IGDCC3: variants seen among roughly 807,000 people sequenced by gnomAD.
The protein encoded by IGDCC3 is immunoglobulin superfamily DCC subclass member 3.
Under a neutral mutation model 72.0 loss-of-function variants are expected in IGDCC3, and 47 were observed. The ratio of observed to expected loss-of-function variants is 0.65; its 90% CI spans 0.52 to 0.83. The LOEUF (loss-of-function observed/expected upper bound fraction) is 0.83, where lower values mean the gene tolerates loss of function less well. Among genes scored for constraint, IGDCC3 ranks in the 40% least tolerant of loss-of-function variants. IGDCC3 has a pLI of 0.00. For missense variants in IGDCC3, 1,038 were observed against 1,091.3 expected (o/e 0.95, Z 0.69); for synonymous variants, 477 against 472.8 (o/e 1.01, Z -0.11).
At chr15:65,375,622 A>G (rs2091354288) in intron 1 of IGDCC3, among the ~76,000 whole-genome samples, 1 of 152,224 alleles carries the variant, frequency 6.6e-6, no homozygotes, top group African/African-American at 2.4e-5. Flanking sequence ...CATCTCAGAG[A>G]TAGATATTAT....
rs777425374 is a variant in IGDCC3 at position 65,375,146 on chromosome 15, C to G, written c.360G>C (p.Gln120His). 3 of 1,614,180 alleles carry G rather than the reference C, an allele frequency of 1.9e-6. No homozygotes were observed. The highest frequency in any genetic ancestry group is 2.2e-5 in the South Asian group (2 of 91,088). ...GGCTGACCACCAGCCCAAAGCGGTT[C>G]TGGGCCACACACTCATAGTCACCTT... ...SDEGDYECVA[Q>H]NRFGLVVSRK... The change falls in exon 2 of 14, where the codon CAG becomes CAC. Residue 120 changes from glutamine (Q) to histidine (H), a missense_variant. Coordinates refer to ENST00000327987, the MANE Select transcript of IGDCC3 (RefSeq NM_004884.4).
intron 2 of IGDCC3, among the ~76,000 whole-genome samples, chr15:65,372,881 C>T (rs762131908): frequency 1.3e-5 from 2 of 152,140 alleles, no homozygotes; most frequent in African/African-American, 4.8e-5. Context: ...CCAGCCGCAC[C>T]GTTGCTTGGC....
Position 65,377,636 on chromosome 15 carries a change from C to A in IGDCC3, c.103+50G>T. 7.2e-7 allele frequency: 1 copy of A among 1,381,866 alleles called. No homozygotes were observed. Among genetic ancestry groups the A allele is most frequent in the Non-Finnish European group, 9.3e-7 (1 of 1,070,566 alleles). 85.6% of individuals were successfully genotyped at this position (1,381,866 alleles called of 1,614,324 possible). A position where few individuals can be genotyped will look rare whatever the true frequency, so the allele number is the denominator to read the frequency against. On this transcript the variant is annotated intron_variant, in intron 1 of 13. Coordinates refer to ENST00000327987, the MANE Select transcript of IGDCC3 (RefSeq NM_004884.4). This position sits in a 1 kb window ranked among gnomAD's most constrained non-coding sequence, Gnocchi z 4.9. ...CGCGCCCGCTCCCTCCCTGCTCGCC[C>A]TTCCCCTGGCTCCGTCCGCAACCGC... is the stretch of plus-strand genomic sequence containing the variant.
chr15:65,360,743 T>C (rs2091254887), intron 2 of IGDCC3, among the ~76,000 whole-genome samples: 1 of 152,172 alleles, frequency 6.6e-6, no homozygotes, highest in Non-Finnish European at 1.5e-5. Context: ...ATTTGACCAA[T>C]CAGCATGCTG....
Position 65,375,359 on chromosome 15 carries a change from A to C in IGDCC3, c.147T>G (p.Ser49Arg), listed in dbSNP as rs971761313. ...GCTGCCCGGGGACGGCAACATCATC[A>C]CTTGGCTCCACAGCAAATGCCAGTT... Reference protein sequence around the residue: ...SAELAFAVEPSDDVAVPGQPI... With the variant: ...SAELAFAVEPRDDVAVPGQPI... Residue 49 changes from serine to arginine, a missense_variant, in exon 2 of 14, where the codon AGT (serine) becomes AGG (arginine). Transcript: ENST00000327987. 14 of 1,608,680 alleles carry C rather than the reference A, an allele frequency of 8.7e-6. No homozygotes were observed. Among genetic ancestry groups the C allele is most frequent in the Middle Eastern group, 1.7e-4 (1 of 6,046 alleles).
In IGDCC3 at chr15:65,329,739, C is replaced by G. The variant is rs140847375; in HGVS notation, c.1984G>C (p.Gly662Arg). 16 of 1,614,024 alleles carry G rather than the reference C, an allele frequency of 9.9e-6. No individual in the cohort carries two copies. Among genetic ancestry groups the G allele is most frequent in the Non-Finnish European group, 1.4e-5 (16 of 1,179,994 alleles). The change falls in exon 12 of 14, where the codon GGC (glycine) becomes CGC (arginine). Residue 662 changes from glycine (G) to arginine (R), a missense_variant. By Grantham distance (125) the Gly-to-Arg change is moderately radical. Coordinates refer to ENST00000327987, the MANE Select transcript of IGDCC3 (RefSeq NM_004884.4). The surrounding 1 kb of genome is among the most constrained non-coding windows in gnomAD (Gnocchi z 4.1). ...IIFCVLFLLF[G>R]QRGRVLLCKD... ...CCCAGGACCCACCTGCCCCTTTGGCCGAACAGGAGGAAGAGGACACAGAAG... is the reference window on the plus strand; with the variant it reads ...CCCAGGACCCACCTGCCCCTTTGGCGGAACAGGAGGAAGAGGACACAGAAG...
intron 2 of IGDCC3, among the ~76,000 whole-genome samples, chr15:65,337,493 A>G (rs2091041241): frequency 6.6e-6 from 1 of 151,630 alleles, no homozygotes. Context: ...TATAAACAGT[A>G]CCTTGGGGCC....
Position 65,330,258 on chromosome 15 carries a change from C to T in IGDCC3, c.1858+35G>A, listed in dbSNP as rs370365501. 9.5e-6 allele frequency: 14 copies of T among 1,473,796 alleles called. No individual in the cohort carries two copies. In the African/African-American group the frequency reaches 1.8e-4, roughly 19 times the overall value. The allele number at this position is 1,473,796 out of a possible 1,614,324, so 91.3% of individuals were successfully genotyped here. Reference sequence around the variant, plus strand: ...ACCCCATTACTTTCCCGGCTTCCCACCCACTCAGCCCCGCACTCCATCCCC... The same window carrying T: ...ACCCCATTACTTTCCCGGCTTCCCATCCACTCAGCCCCGCACTCCATCCCC... On this transcript the variant is annotated intron_variant, in intron 11 of 13. Transcript: ENST00000327987.
chr15:65,372,841 A>C (rs1007985945), intron 2 of IGDCC3, among the ~76,000 whole-genome samples: 2 of 152,210 alleles, frequency 1.3e-5, no homozygotes, highest in African/African-American at 4.8e-5. Context: ...GTTTCTAGGG[A>C]CATCAGCCTG....
chr15:65,362,178 G>A (rs1001722444), intron 2 of IGDCC3, among the ~76,000 whole-genome samples: 1 of 152,054 alleles, frequency 6.6e-6, no homozygotes, highest in African/African-American at 2.4e-5. Context: ...TGAAAATGGG[G>A]TAGTGTCCGA....
At chr15:65,376,929 T>C (rs1287928747) in intron 1 of IGDCC3, among the ~76,000 whole-genome samples, 2 of 152,072 alleles carry the variant, frequency 1.3e-5, no homozygotes, top group African/African-American at 2.4e-5. Flanking sequence ...AGAGTGGTGG[T>C]GACCGAGCTC....
chr15:65,332,198 A>G, intron 6 of IGDCC3, 92 bp from the exon 7 acceptor site: 1 of 1,421,370 alleles, frequency 7.0e-7, no homozygotes, highest in African/African-American at 1.4e-5. Flanking sequence ...CTGGAGATAC[A>G]CAGGGTGAGA....
chr15:65,355,220 G>A (rs1567068187), intron 2 of IGDCC3, among the ~76,000 whole-genome samples: 1 of 152,160 alleles, frequency 6.6e-6, no homozygotes. Flanking sequence ...GGCGGGCGGG[G>A]TCAGGCCCGA....
chr15:65,349,080 C>T (rs999196980), intron 2 of IGDCC3, among the ~76,000 whole-genome samples: 2 of 152,194 alleles, frequency 1.3e-5, no homozygotes, highest in African/African-American at 4.8e-5. Flanking sequence ...CTTATCTTTT[C>T]TATTACTCAG....
At chr15:65,358,792 C>G (rs2091242349) in intron 2 of IGDCC3, among the ~76,000 whole-genome samples, 1 of 152,096 alleles carries the variant, frequency 6.6e-6, no homozygotes, top group African/African-American at 2.4e-5. Context: ...TTTTAAGTAA[C>G]TGAAAAAGTG....
chr15:65,351,513 G>A (rs545321704), intron 2 of IGDCC3, among the ~76,000 whole-genome samples: 5 of 142,954 alleles, frequency 3.5e-5, no homozygotes, highest in African/African-American at 7.8e-5. Context: ...CAGCCTGGGC[G>A]ACAGAGTGAG....
In IGDCC3 at chr15:65,328,560, A is replaced by C; in HGVS notation, c.*349T>G. 5.3e-6 allele frequency: 1 copy of C among 188,372 alleles called. No homozygotes were observed. Among genetic ancestry groups the C allele is most frequent in the Non-Finnish European group, 1.1e-5 (1 of 92,264 alleles). The allele number at this position is 188,372 out of a possible 1,614,324, so 11.7% of individuals were successfully genotyped here. On this transcript the variant is annotated 3_prime_UTR_variant, in exon 14 of 14. Transcript: ENST00000327987. ...ACAGCAGGGTCATCTTTTGGAGTCT[A>C]ATTCACCTTCCTCTATCTCTCTCCT...
At chr15:65,361,240 C>A (rs1296620088) in intron 2 of IGDCC3, among the ~76,000 whole-genome samples, 1 of 151,260 alleles carries the variant, frequency 6.6e-6, no homozygotes, top group South Asian at 2.1e-4. Context: ...CCAGCCTGGG[C>A]AACATAGTAG....
rs1314658160 is a variant in IGDCC3 at position 65,377,161 on chromosome 15, TCTC to T, written c.103+522_103+524del. ...CGCCCTCCAGGAATCTCCCTCGTCT[TCTC>T]CTGTCTCTCCCGCGCACTCCTCAGC... is the stretch of plus-strand genomic sequence containing the variant. On this transcript the variant is annotated intron_variant, in intron 1 of 13. Transcript: ENST00000327987. This position sits in a 1 kb window ranked among gnomAD's most constrained non-coding sequence, Gnocchi z 4.9. 6.6e-6 allele frequency among the ~76,000 whole-genome samples: 1 copy of T among 151,758 alleles called. No individual in the cohort carries two copies. The highest frequency in any genetic ancestry group is 1.9e-4 in the East Asian group (1 of 5,162).
Sources: gnomAD v4.1 joint callset for allele counts (sites outside exome capture counted in the v4.1 genomes callset) on GRCh38, gnomAD v4.1.1 for gene constraint, Gnocchi (gnomAD v3.1) non-coding constraint, MANE v1.5 for transcripts, NCBI Gene and HGNC (gene_info 2026-07-23, HGNC 2026-07-21) for gene names.